The following SPG11 variants were observed in gnomAD, a reference collection of about 807,000 sequenced individuals.
The protein encoded by SPG11 is spatacsin.
SPG11 carries 222 observed loss-of-function variants against 274.0 expected under a neutral mutation model. That is an observed-to-expected ratio of 0.81 (90% CI 0.73 to 0.91). SPG11 has a LOEUF of 0.91. Among genes scored for constraint, SPG11 ranks in the 40% least tolerant of loss-of-function variants. SPG11 has a pLI of 0.00. For missense variants in SPG11, 3,114 were observed against 2,872.7 expected (o/e 1.08, Z -1.92); for synonymous variants, 1,144 against 1,039.7 (o/e 1.10, Z -1.93).
At position 44,662,907 on chromosome 15, in the gene SPG11, G is replaced by C. The variant is rs113950019; in HGVS notation, c.257+484C>G. On this transcript the variant is annotated intron_variant, in intron 1 of 39. Transcript: ENST00000261866. ...GCTGAATAAATGAAGGGACAAACTG[G>C]ACTCTGTCCTTGAAGAAGAGGACTA... 5.4e-4 allele frequency among the ~76,000 whole-genome samples: 83 copies of C among 152,316 alleles called. 1 individual carries two copies. Among genetic ancestry groups the C allele is most frequent in the African/African-American group, 2.0e-3 (83 of 41,576 alleles).
At chr15:44,569,684 A>C (rs2082377925) in intron 34 of SPG11, among the ~76,000 whole-genome samples, 179 bp from the exon 35 acceptor site, 1 of 151,524 alleles carries the variant, frequency 6.6e-6, no homozygotes, top group South Asian at 2.1e-4. Flanking sequence ...TGGAGGATTC[A>C]GAAATGTCAG....
chr15:44,618,357 GA>G (rs981142438), intron 15 of SPG11, among the ~76,000 whole-genome samples: 93 of 135,530 alleles, frequency 6.9e-4, no homozygotes, highest in Admixed American at 1.3e-3. Context: ...AAATACAAAA[GA>G]AAAAAAAAAA....
At chr15:44,618,892 AATTTT>A (rs1478829786) in intron 15 of SPG11, among the ~76,000 whole-genome samples, 4 of 152,044 alleles carry the variant, frequency 2.6e-5, no homozygotes, top group Non-Finnish European at 4.4e-5. Context: ...AAATAGGCTG[AATTTT>A]ATCAAATGCT....
chr15:44,642,875 CAAAT>C (rs1193166450), intron 7 of SPG11, among the ~76,000 whole-genome samples: 1 of 151,926 alleles, frequency 6.6e-6, no homozygotes, highest in Non-Finnish European at 1.5e-5. Flanking sequence ...GTCTCATTAA[CAAAT>C]AAATAAATAA....
In SPG11 at chr15:44,651,479, A is replaced by C; in HGVS notation, c.1456+12T>G. 6.2e-7 allele frequency: 1 copy of C among 1,608,780 alleles called. No homozygotes were observed. The highest frequency in any genetic ancestry group is 1.3e-5 in the African/African-American group (1 of 74,942). Reference sequence around the variant, plus strand: ...CAGCAATGGATTTCAATCTAATACAAGACAGTCTCACCTGTCAAAACAAAG... The same window carrying C: ...CAGCAATGGATTTCAATCTAATACACGACAGTCTCACCTGTCAAAACAAAG... On this transcript the variant is annotated intron_variant, in intron 6 of 39. Coordinates refer to ENST00000261866, the MANE Select transcript of SPG11 (RefSeq NM_025137.4).
chr15:44,615,491 T>G lies in SPG11; in HGVS notation c.2910A>C (p.Val970=), dbSNP rs375368475. ...FLLRLSRIGG[V]IQDTLPVQNY... Reference sequence around the variant, plus strand: ...TTTGAACAGGGAGGGTATCCTGTATTACACCTCCAATACGGCTCAGTCTTA... The same window carrying G: ...TTTGAACAGGGAGGGTATCCTGTATGACACCTCCAATACGGCTCAGTCTTA... Residue 970 remains valine (V), a synonymous_variant, in exon 16 of 40, where the codon GTA becomes GTC. Transcript: ENST00000261866. 6 of 1,613,878 alleles carry G rather than the reference T, an allele frequency of 3.7e-6. No homozygotes were observed. In the African/African-American group the frequency reaches 8.0e-5, roughly 22 times the overall value.
At position 44,569,391 on chromosome 15, in the gene SPG11, C is replaced by T. The variant is rs1060504157; in HGVS notation, c.6585+7G>A. The T allele has an allele frequency of 9.5e-6, 15 of 1,585,238 alleles. No homozygotes were observed. Among genetic ancestry groups the T allele is most frequent in the Non-Finnish European group, 1.3e-5 (15 of 1,161,542 alleles). ...CCCCATCCTGGAGCTCATTACTTTG[C>T]ACCTACCGGATCCAACTTCTTCCTC... On this transcript the variant is annotated splice_region_variant and intron_variant, in intron 35 of 39. Coordinates refer to ENST00000261866, the MANE Select transcript of SPG11 (RefSeq NM_025137.4).
In SPG11 at chr15:44,641,634, A is replaced by AC. The variant is rs1555458681; in HGVS notation, c.1602+7231_1602+7232insG. Reference sequence around the variant, plus strand: ...ACACACACACACACACACACACACAAAACCTTAATCAGGGAAATGCAAATG... The same window carrying AC: ...ACACACACACACACACACACACACAACAACCTTAATCAGGGAAATGCAAATG... On this transcript the variant is annotated intron_variant, in intron 7 of 39. Coordinates refer to ENST00000261866, the MANE Select transcript of SPG11 (RefSeq NM_025137.4). Among the ~76,000 whole-genome samples the AC allele has an allele frequency of 1.4e-4, 11 of 78,638 alleles. No homozygotes were observed. The South Asian group carries it at 3.3e-3, about 24-fold the overall frequency. The allele number at this position is 78,638 out of a possible 152,430, so 51.6% of individuals were successfully genotyped here. A position where few individuals can be genotyped will look rare whatever the true frequency, so the allele number is the denominator to read the frequency against.
At chr15:44,597,073 CTAAA>C in intron 23 of SPG11, 130 bp from the exon 24 acceptor site, 1 of 700,248 alleles carries the variant, frequency 1.4e-6, no homozygotes, top group South Asian at 1.8e-5. Context: ...CCAACAAATA[CTAAA>C]TATTTATTAG....
chr15:44,648,625 G>A (rs1372668227), intron 7 of SPG11, among the ~76,000 whole-genome samples: 2 of 150,428 alleles, frequency 1.3e-5, no homozygotes, highest in African/African-American at 4.9e-5. Context: ...GCTTAATGTT[G>A]CCTCCATTTC....
Position 44,652,940 on chromosome 15 carries a change from T to A in SPG11, c.870-674A>T, listed in dbSNP as rs185000385. Among the ~76,000 whole-genome samples, 31 of 152,214 alleles carry A rather than the reference T, an allele frequency of 2.0e-4. No individual in the cohort carries two copies. The Middle Eastern group carries it at 0.01, about 50-fold the overall frequency. On this transcript the variant is annotated intron_variant, in intron 4 of 39. Transcript: ENST00000261866. ...CAGTCCAGATTTTAAAATCACTCATTATACTGCCACCACAAAGTAAGATTT... is the reference window on the plus strand; with the variant it reads ...CAGTCCAGATTTTAAAATCACTCATAATACTGCCACCACAAAGTAAGATTT...
intron 11 of SPG11, among the ~76,000 whole-genome samples, chr15:44,625,039 G>A (rs910671588): frequency 3.0e-4 from 45 of 151,438 alleles, no homozygotes; most frequent in African/African-American, 1.1e-3. Context: ...GGAAGCTGAC[G>A]TAGGAGAATC....
chr15:44,601,260 ATTT>A (rs1465882850), intron 20 of SPG11, among the ~76,000 whole-genome samples: 1 of 151,834 alleles, frequency 6.6e-6, no homozygotes, highest in South Asian at 2.1e-4. Context: ...AACATAATTG[ATTT>A]TTTATTTTTT....
At chr15:44,628,950 T>A (rs907312796) in intron 9 of SPG11, 106 bp from the exon 10 acceptor site, 1 of 1,177,484 alleles carries the variant, frequency 8.5e-7, no homozygotes, top group Non-Finnish European at 1.2e-6. Context: ...TTGGTATTTT[T>A]AAATTTCAAA....
chr15:44,617,590 CT>C, intron 15 of SPG11, among the ~76,000 whole-genome samples: 1 of 152,182 alleles, frequency 6.6e-6, no homozygotes, highest in East Asian at 1.9e-4. Context: ...CACCAATACT[CT>C]GTCTTAACTG....
intron 11 of SPG11, among the ~76,000 whole-genome samples, chr15:44,624,125 T>C (rs1567171169): frequency 6.6e-6 from 1 of 151,830 alleles, no homozygotes; most frequent in African/African-American, 2.4e-5. Context: ...CCTAAGTGTC[T>C]ATCAACAGAT....
intron 7 of SPG11, among the ~76,000 whole-genome samples, chr15:44,636,134 A>G (rs1786308282): frequency 6.6e-6 from 1 of 152,034 alleles, no homozygotes; most frequent in Admixed American, 6.6e-5. Flanking sequence ...CAATGGGCCA[A>G]AGTTCTGGGT....
intron 1 of SPG11, among the ~76,000 whole-genome samples, chr15:44,662,354 G>T (rs1490090125): frequency 6.6e-6 from 1 of 152,036 alleles, no homozygotes; most frequent in Admixed American, 6.6e-5. Context: ...AAAGAGTTGT[G>T]AAAATACTTA....
At chr15:44,626,259 T>C in intron 11 of SPG11, 72 bp downstream of exon 11, 1 of 1,353,838 alleles carries the variant, frequency 7.4e-7, no homozygotes, top group Non-Finnish European at 1.0e-6. Context: ...TAATTATGAA[T>C]ACAAACCAAT....
Sources: gnomAD v4.1 joint callset for allele counts (sites outside exome capture counted in the v4.1 genomes callset) on GRCh38, gnomAD v4.1.1 for gene constraint, MANE v1.5 for transcripts, NCBI Gene and HGNC (gene_info 2026-07-23, HGNC 2026-07-21) for gene names.